PPP2R2B: variants seen among roughly 807,000 people sequenced by gnomAD.
PPP2R2B encodes serine/threonine-protein phosphatase 2A 55 kDa regulatory subunit B beta isoform.
PPP2R2B carries 5 observed loss-of-function variants against 46.0 expected under a neutral mutation model. That is an observed-to-expected ratio of 0.11 (90% CI 0.06 to 0.23). PPP2R2B has a LOEUF of 0.23. PPP2R2B is among the 10% of genes least tolerant of loss of function. The probability of loss-of-function intolerance (pLI) is 1.00; values close to 1 mark genes in which losing one functional copy is unlikely to be tolerated. For missense variants in PPP2R2B, 367 were observed against 575.0 expected, an observed-to-expected ratio of 0.64 and a Z score of 3.70; for synonymous variants, 215 against 206.7, an observed-to-expected ratio of 1.04 and a Z score of -0.34.
chr5:146,747,041 G>A (rs868052546), intron 2 of PPP2R2B, among the ~76,000 whole-genome samples: 2 of 152,074 alleles, frequency 1.3e-5, no homozygotes, highest in Middle Eastern at 3.2e-3. Context: ...TTATTTCTGT[G>A]GCTCCAGTAC....
At position 146,862,654 on chromosome 5, in the gene PPP2R2B, A is replaced by G. The variant is rs59020060; in HGVS notation, c.70+15348T>C. On this transcript the variant is annotated intron_variant, in intron 2 of 9. Coordinates refer to ENST00000394411, the MANE Select transcript of PPP2R2B (RefSeq NM_181675.4). Reference sequence around the variant, plus strand: ...GCCAGCCTCAATGCTTTGAAGATCAATTAGGAGAGACTTAAAAGATGAGAG... The same window carrying G: ...GCCAGCCTCAATGCTTTGAAGATCAGTTAGGAGAGACTTAAAAGATGAGAG... Among the ~76,000 whole-genome samples the G allele has an allele frequency of 1.1e-3, 171 of 152,302 alleles. 1 individual carries two copies. In the East Asian group the frequency reaches 0.02, roughly 18 times the overall value.
At chr5:146,963,439 A>G (rs1752267977) in intron 1 of PPP2R2B, among the ~76,000 whole-genome samples, 2 of 151,704 alleles carry the variant, frequency 1.3e-5, no homozygotes, top group Non-Finnish European at 2.9e-5. Context: ...CTGCCTCACC[A>G]CTCACTGGCT....
intron 1 of PPP2R2B, among the ~76,000 whole-genome samples, chr5:147,046,185 TTGAATAAATGAA>T (rs1279002084): frequency 6.6e-6 from 1 of 152,174 alleles, no homozygotes; most frequent in Non-Finnish European, 1.5e-5. Context: ...TTTGTATTTT[TTGAATAAATGAA>T]TAAATAAATG....
chr5:147,033,692 C>T (rs1204032209), intron 1 of PPP2R2B, among the ~76,000 whole-genome samples: 2 of 152,022 alleles, frequency 1.3e-5, no homozygotes, highest in African/African-American at 2.4e-5. Context: ...CACAGGGATG[C>T]CACTCATATT....
chr5:147,071,672 T>C (rs1337895762), intron 2 of PPP2R2B, among the ~76,000 whole-genome samples: 2 of 152,190 alleles, frequency 1.3e-5, no homozygotes, highest in African/African-American at 4.8e-5. Context: ...GTTGCTCAAA[T>C]GTCATCTTTT....
rs1759210554 is a variant in PPP2R2B at position 146,835,249 on chromosome 5, T to C, written c.70+42753A>G. ...ATTTAATAATAAACAATGTATTATATTGTTTTTTCACTTATATTTTGAGGG... is the reference window on the plus strand; with the variant it reads ...ATTTAATAATAAACAATGTATTATACTGTTTTTTCACTTATATTTTGAGGG... On this transcript the variant is annotated intron_variant, in intron 2 of 9. Coordinates refer to ENST00000394411, the MANE Select transcript of PPP2R2B (RefSeq NM_181675.4). Among the ~76,000 whole-genome samples, 3 of 151,826 alleles carry C rather than the reference T, an allele frequency of 2.0e-5. No homozygotes were observed. The South Asian group carries it at 6.4e-4, about 32-fold the overall frequency.
intron 7 of PPP2R2B, among the ~76,000 whole-genome samples, chr5:146,603,940 A>C (rs1452656460): frequency 6.6e-6 from 1 of 152,224 alleles, no homozygotes; most frequent in Non-Finnish European, 1.5e-5. Context: ...GACCTTGCTG[A>C]GCATTCATTT....
intron 5 of PPP2R2B, among the ~76,000 whole-genome samples, chr5:146,667,257 G>T (rs1489185555): frequency 6.6e-6 from 1 of 151,532 alleles, no homozygotes; most frequent in African/African-American, 2.4e-5. Context: ...TATATGAAGT[G>T]GATGAAGATG....
In PPP2R2B at chr5:147,055,611, G is replaced by A. The variant is rs1757046782; in HGVS notation, c.79+54C>T. On this transcript the variant is annotated intron_variant, in intron 1 of 8. Transcript: ENST00000336640. ...CATCAGCAGAACCCGTGGGAAGTCA[G>A]ACACCAGCCCACTTTTCCCACCCAC... The A allele has an allele frequency of 2.7e-6, 4 of 1,501,258 alleles. No homozygotes were observed. In the South Asian group the frequency reaches 4.5e-5, roughly 17 times the overall value. 93.0% of individuals were successfully genotyped at this position (1,501,258 alleles called of 1,614,324 possible). A position where few individuals can be genotyped will look rare whatever the true frequency, so the allele number is the denominator to read the frequency against.
At chr5:146,980,822 A>G (rs966987667) in intron 1 of PPP2R2B, among the ~76,000 whole-genome samples, 4 of 152,182 alleles carry the variant, frequency 2.6e-5, no homozygotes, top group Non-Finnish European at 5.9e-5. Context: ...TCATATACAT[A>G]CATGTTTGTT....
intron 2 of PPP2R2B, among the ~76,000 whole-genome samples, chr5:146,713,979 T>C (rs1422185745): frequency 6.6e-6 from 1 of 152,052 alleles, no homozygotes; most frequent in East Asian, 1.9e-4. Context: ...AGATAGTGTT[T>C]AAAGCAACAA....
At chr5:146,651,948 A>G (rs1204944833) in intron 5 of PPP2R2B, among the ~76,000 whole-genome samples, 2 of 152,192 alleles carry the variant, frequency 1.3e-5, no homozygotes, top group African/African-American at 4.8e-5. Context: ...TTTTAAATCA[A>G]ATCAATGATT....
At chr5:146,871,853 G>C (rs1051589238) in intron 2 of PPP2R2B, among the ~76,000 whole-genome samples, 1 of 152,170 alleles carries the variant, frequency 6.6e-6, no homozygotes, top group East Asian at 1.9e-4. Flanking sequence ...AGTTCCTTTG[G>C]TTCTCTGTAC....
At chr5:146,913,826 G>A (rs1386417628) in intron 1 of PPP2R2B, among the ~76,000 whole-genome samples, 1 of 152,120 alleles carries the variant, frequency 6.6e-6, no homozygotes, top group African/African-American at 2.4e-5. Flanking sequence ...ATACTTAAAG[G>A]TGATGGGACT....
intron 2 of PPP2R2B, among the ~76,000 whole-genome samples, chr5:146,828,493 T>C (rs1175325927): frequency 6.6e-6 from 1 of 152,188 alleles, no homozygotes; most frequent in Non-Finnish European, 1.5e-5. Context: ...TGAGTTTTTA[T>C]GGTCTTAGTG....
chr5:146,810,314 G>A (rs186815940), intron 2 of PPP2R2B, among the ~76,000 whole-genome samples: 11 of 152,254 alleles, frequency 7.2e-5, no homozygotes, highest in Admixed American at 1.3e-4. Flanking sequence ...ATATGGTGGC[G>A]GGCAAGAGAA....
At chr5:146,817,703 T>C (rs1475887348) in intron 2 of PPP2R2B, among the ~76,000 whole-genome samples, 1 of 152,146 alleles carries the variant, frequency 6.6e-6, no homozygotes, top group Non-Finnish European at 1.5e-5. Flanking sequence ...AATAAAAGTC[T>C]CCCCCATTTC....
intron 9 of PPP2R2B, among the ~76,000 whole-genome samples, chr5:146,592,708 T>C (rs912836184): frequency 2.6e-5 from 4 of 152,186 alleles, no homozygotes; most frequent in Admixed American, 2.6e-4. Context: ...TGGAGGTGTC[T>C]TGTGTGAAAA....
Position 146,622,780 on chromosome 5 carries a change from A to G in PPP2R2B, c.790+15471T>C, listed in dbSNP as rs918024842. Among the ~76,000 whole-genome samples the G allele has an allele frequency of 3.4e-4, 52 of 152,258 alleles. 1 individual carries two copies. Among genetic ancestry groups the G allele is most frequent in the Admixed American group, 2.6e-4 (4 of 15,278 alleles). ...GGTTCCCAAGTTGTGATCAAGACAC[A>G]AAAGTCATGGGGCAGAGCACCATAA... is the stretch of plus-strand genomic sequence containing the variant. On this transcript the variant is annotated intron_variant, in intron 7 of 9. Coordinates refer to ENST00000394411, the MANE Select transcript of PPP2R2B (RefSeq NM_181675.4).
Sources: allele counts gnomAD v4.1 joint callset (sites outside exome capture counted in the v4.1 genomes callset), GRCh38; gene constraint gnomAD v4.1.1; transcripts MANE v1.5; gene names NCBI Gene and HGNC (gene_info 2026-07-23, HGNC 2026-07-21).